The following ABCA1 variants were observed in gnomAD, a reference collection of about 807,000 sequenced individuals.
ABCA1 encodes the protein phospholipid-transporting ATPase ABCA1.
In ABCA1, 133 loss-of-function variants were observed where a neutral mutation model predicts 262.5. The ratio of observed to expected loss-of-function variants is 0.51; its 90% CI spans 0.44 to 0.59. ABCA1 has a LOEUF of 0.59. Ranked by LOEUF, ABCA1 falls within the 20% of genes least tolerant of loss-of-function variation. ABCA1 has a pLI of 0.00. For missense variants in ABCA1, 2,452 were observed against 2,777.5 expected, an observed-to-expected ratio of 0.88 and a Z score of 2.63; for synonymous variants, 1,022 against 1,043.5, an observed-to-expected ratio of 0.98 and a Z score of 0.40.
At chr9:104,811,004 AC>A in intron 28 of ABCA1, 80 bp from the exon 29 acceptor site, 1 of 1,602,938 alleles carries the variant, frequency 6.2e-7, no homozygotes, top group East Asian at 2.2e-5. Flanking sequence ...GCAAATCCCT[AC>A]GAGTCCAGCC....
intron 7 of ABCA1, among the ~76,000 whole-genome samples, chr9:104,854,795 A>G (rs1311592958): frequency 6.6e-6 from 1 of 152,216 alleles, no homozygotes; most frequent in African/African-American, 2.4e-5. Context: ...AGTCTCCCTC[A>G]TGACTAAGTG....
chr9:104,830,461 G>C (rs562058939), intron 14 of ABCA1, among the ~76,000 whole-genome samples: 19 of 152,240 alleles, frequency 1.2e-4, no homozygotes, highest in Non-Finnish European at 2.5e-4. Flanking sequence ...AGGCCAAGGA[G>C]GGTGGATTGC....
At chr9:104,916,516 C>T (rs2515618) in intron 1 of ABCA1, among the ~76,000 whole-genome samples, 34,096 of 152,134 alleles carry the variant, frequency 0.22, 4,320 homozygotes, top group South Asian at 0.35. Context: ...TCTTCTTTCT[C>T]TCCTATAAAG....
intron 2 of ABCA1, 133 bp downstream of exon 2, chr9:104,903,481 A>G (rs1444918881): frequency 1.2e-5 from 12 of 961,132 alleles, no homozygotes; most frequent in Non-Finnish European, 2.0e-5. Context: ...CTGTGTCCAT[A>G]AGAGCCAGAT....
At chr9:104,855,573 C>A in intron 7 of ABCA1, 1 of 1,159,028 alleles carries the variant, frequency 8.6e-7, no homozygotes, top group Non-Finnish European at 1.2e-6. Context: ...ATTAAATTAT[C>A]AACTTCTATT....
At position 104,828,937 on chromosome 9, in the gene ABCA1, G is replaced by T; in HGVS notation, c.2094C>A (p.Gly698=). 1 of 1,614,118 alleles carries T rather than the reference G, an allele frequency of 6.2e-7. No homozygotes were observed. The highest frequency in any genetic ancestry group is 2.2e-5 in the East Asian group (1 of 44,884). ...TTACCTTCAGGATGACCACTAGCAGGCCAGCGCTCACAAGAAGAGGAATGA... is the reference window on the plus strand; with the variant it reads ...TTACCTTCAGGATGACCACTAGCAGTCCAGCGCTCACAAGAAGAGGAATGA... ...SSLIPLLVSA[G]LLVVILKLGN... is the part of the protein sequence containing the mutation. The change falls in exon 15 of 50, where the codon GGC becomes GGA. Residue 698 remains glycine, a synonymous_variant. Transcript: ENST00000374736.
rs143963691 is a variant in ABCA1, at chr9:104,824,520, G to A, written c.2601C>T (p.Gly867=). 6.6e-5 allele frequency: 107 copies of A among 1,614,062 alleles called. No homozygotes were observed. Among genetic ancestry groups the A allele is most frequent in the African/African-American group, 1.6e-4 (12 of 75,022 alleles). The part of the protein sequence containing the change: ...YFPCTKSYWF[G]EESDEKSHPG... ...GGTGGCTCTTCTCATCACTTTCCTC[G>A]CCAAACCAGTAGGACTTGGTGCAAG... is the stretch of plus-strand genomic sequence containing the variant. Residue 867 remains glycine, a synonymous_variant, in exon 18 of 50, where the codon GGC becomes GGT. Coordinates refer to ENST00000374736, the MANE Select transcript of ABCA1 (RefSeq NM_005502.4).
intron 1 of ABCA1, among the ~76,000 whole-genome samples, chr9:104,918,925 A>G (rs965637417): frequency 2.6e-5 from 4 of 152,228 alleles, no homozygotes; most frequent in Admixed American, 2.6e-4. Context: ...CTCTTGTGAA[A>G]AACAATTACT....
intron 27 of ABCA1, 141 bp from the exon 28 acceptor site, chr9:104,812,863 T>C (rs1207536742): frequency 3.7e-6 from 4 of 1,079,172 alleles, no homozygotes; most frequent in East Asian, 2.4e-5. Context: ...AGGGCTTTCA[T>C]GACAAAGCTA....
intron 7 of ABCA1, 72 bp downstream of exon 7, chr9:104,858,450 C>T (rs960245345): frequency 1.2e-5 from 18 of 1,485,552 alleles, no homozygotes; most frequent in Non-Finnish European, 1.5e-5. Flanking sequence ...CAAAGTCATG[C>T]TGTCCAAGGA....
chr9:104,816,583 A>C (rs1018990121), intron 24 of ABCA1, among the ~76,000 whole-genome samples: 6 of 124,418 alleles, frequency 4.8e-5, no homozygotes, highest in African/African-American at 1.8e-4. Flanking sequence ...TCAGTGTAGA[A>C]TGGGTGGACA....
rs1830085169 is a variant in ABCA1 at position 104,798,556 on chromosome 9, G to A, written c.4986C>T (p.Ile1662=). ...SVDVLVSICV[I]FAMSFVPASF... ...TGGCTGGGACGAAGGACATTGCAAA[G>A]ATGACACAGATGGACACAAGGACAT... The change falls in exon 37 of 50, where the codon ATC becomes ATT. Residue 1662 remains isoleucine (I), a synonymous_variant. Coordinates refer to ENST00000374736, the MANE Select transcript of ABCA1 (RefSeq NM_005502.4). 7 of 1,614,080 alleles carry A rather than the reference G, an allele frequency of 4.3e-6. No homozygotes were observed. In the East Asian group the frequency reaches 1.3e-4, roughly 31 times the overall value.
chr9:104,798,744 C>T (rs1204031602), intron 36 of ABCA1, 146 bp from the exon 37 acceptor site: 2 of 748,780 alleles, frequency 2.7e-6, no homozygotes, highest in African/African-American at 1.7e-5. Context: ...ATCTGTTCAC[C>T]AGACACATTT....
At position 104,831,969 on chromosome 9, in the gene ABCA1, A is replaced by C. The variant is rs969778733; in HGVS notation, c.1510-142T>G. Reference sequence around the variant, plus strand: ...TAATCCTCTCTAACGTAGTTTTCCAACCTTCAACCAAGAATGAAGGATTTT... The same window carrying C: ...TAATCCTCTCTAACGTAGTTTTCCACCCTTCAACCAAGAATGAAGGATTTT... On this transcript the variant is annotated intron_variant, in intron 12 of 49. Coordinates refer to ENST00000374736, the MANE Select transcript of ABCA1 (RefSeq NM_005502.4). 8.4e-6 allele frequency: 7 copies of C among 832,046 alleles called. No homozygotes were observed. In the African/African-American group the frequency reaches 1.0e-4, roughly 12 times the overall value. The allele number at this position is 832,046 out of a possible 1,614,324, so 51.5% of individuals were successfully genotyped here.
chr9:104,885,641 G>A (rs1260756001), intron 3 of ABCA1, among the ~76,000 whole-genome samples: 1 of 152,132 alleles, frequency 6.6e-6, no homozygotes, highest in African/African-American at 2.4e-5. Context: ...AAAGGATGAT[G>A]GGACATATTT....
intron 20 of ABCA1, among the ~76,000 whole-genome samples, chr9:104,820,469 CG>C (rs1418017587): frequency 6.6e-6 from 1 of 151,984 alleles, no homozygotes; most frequent in Non-Finnish European, 1.5e-5. Context: ...GCTCTGAAAG[CG>C]GGGAGGACCC....
chr9:104,788,599 A>G, intron 44 of ABCA1, 32 bp from the exon 45 acceptor site: 1 of 1,613,316 alleles, frequency 6.2e-7, no homozygotes, highest in Non-Finnish European at 8.5e-7. Context: ...CTTAGATTTT[A>G]AGCAGGTAGA....
Position 104,827,028 on chromosome 9 carries a change from T to C in ABCA1, c.2257A>G (p.Ile753Val), listed in dbSNP as rs1221143722. 1.2e-6 allele frequency: 2 copies of C among 1,614,094 alleles called. No individual in the cohort carries two copies. Among genetic ancestry groups the C allele is most frequent in the African/African-American group, 2.7e-5 (2 of 74,918 alleles). The part of the protein sequence containing the change: ...ANLAAACGGI[I>V]YFTLYLPYVL... The stretch of plus-strand genomic sequence containing the variant: ...TAGGGCAGGTACAGCGTGAAGTAGA[T>C]GATGCCCCCACAGGCTGCTGCCAGG... The change falls in exon 16 of 50, where the codon ATC becomes GTC. Residue 753 changes from isoleucine (I) to valine (V), a missense_variant. Ile to Val is a conservative substitution (Grantham distance 29). This residue lies in a region of ABCA1 where 1,032 missense variants were observed against 1,089.7 expected (regional missense o/e 0.95). Transcript: ENST00000374736.
intron 5 of ABCA1, among the ~76,000 whole-genome samples, chr9:104,880,856 G>C (rs1838580925): frequency 6.6e-6 from 1 of 151,864 alleles, no homozygotes. Flanking sequence ...CATGTCTCCA[G>C]CTTCTCAAAG....
Sources: allele counts gnomAD v4.1 joint callset (sites outside exome capture counted in the v4.1 genomes callset), GRCh38; gene constraint gnomAD v4.1.1; regional missense constraint gnomAD v4.1.1; transcripts MANE v1.5; gene names NCBI Gene and HGNC (gene_info 2026-07-23, HGNC 2026-07-21).